Variants in DIABLO observed in about 807,000 individuals in gnomAD.
DIABLO encodes the protein diablo IAP-binding mitochondrial protein.
DIABLO carries 32 observed loss-of-function variants against 31.7 expected under a neutral mutation model. The ratio of observed to expected loss-of-function variants is 1.01; its 90% CI spans 0.76 to 1.35. The LOEUF is 1.35. Ranked by LOEUF, DIABLO falls within the 40% of genes most tolerant of loss-of-function variation. The pLI is 0.00. For missense variants in DIABLO, 316 were observed against 286.4 expected (o/e 1.10, Z -0.75); for synonymous variants, 132 against 103.2 (o/e 1.28, Z -1.69).
chr12:122,208,352 T>G lies in DIABLO; in HGVS notation c.*29A>C. ...ATCTGCCCCTGCTTTCCCCACTGAG[T>G]GGGGAGACAGGGCAGTGTGCTCAGG... On this transcript the variant is annotated 3_prime_UTR_variant, in exon 6 of 6. Coordinates refer to ENST00000464942, the MANE Select transcript of DIABLO (RefSeq NM_001371333.1). 2 of 1,609,762 alleles carry G rather than the reference T, an allele frequency of 1.2e-6. No individual in the cohort carries two copies. Among genetic ancestry groups the G allele is most frequent in the South Asian group, 1.1e-5 (1 of 90,968 alleles).
At chr12:122,216,988 C>T (rs1223923857) in intron 3 of DIABLO, 119 bp from the exon 4 acceptor site, 14 of 792,198 alleles carry the variant, frequency 1.8e-5, no homozygotes, top group Non-Finnish European at 3.0e-5. Flanking sequence ...TTCCATCCTG[C>T]TGCCTCAATG....
At chr12:122,224,903 G>T in intron 1 of DIABLO, 1 of 1,293,778 alleles carries the variant, frequency 7.7e-7, no homozygotes, top group Non-Finnish European at 1.0e-6. Context: ...GAGCCCAGGA[G>T]TTCACGACCA....
upstream of DIABLO, chr12:122,226,654 C>T (rs998534486): frequency 2.4e-5 from 15 of 636,436 alleles, no homozygotes; most frequent in Non-Finnish European, 3.1e-5. Context: ...GGTCCTGGCC[C>T]TCGAAACAGC....
intron 5 of DIABLO, 196 bp from the exon 6 acceptor site, chr12:122,208,773 A>G: frequency 1.4e-6 from 1 of 691,900 alleles, no homozygotes; most frequent in African/African-American, 1.7e-5. Flanking sequence ...ACTCTGTCAA[A>G]AACAGCATTT....
At chr12:122,215,881 A>C (rs1954198996) in intron 5 of DIABLO, among the ~76,000 whole-genome samples, 1 of 92,892 alleles carries the variant, frequency 1.1e-5, no homozygotes, top group African/African-American at 5.0e-5. Flanking sequence ...TATTTTATGA[A>C]GGAAAAAAAA....
chr12:122,225,913 C>A, intron 1 of DIABLO, 52 bp downstream of exon 1: 1 of 1,553,636 alleles, frequency 6.4e-7, no homozygotes, highest in African/African-American at 1.4e-5. Context: ...CAGCGCTGTC[C>A]GCGTCGGTCC....
In DIABLO at chr12:122,208,392, GC is replaced by G. The variant is rs1953984388; in HGVS notation, c.708del (p.Arg237ValfsTer30). 7 of 1,612,252 alleles carry G rather than the reference GC, an allele frequency of 4.3e-6. No individual in the cohort carries two copies. The highest frequency in any genetic ancestry group is 5.9e-6 in the Non-Finnish European group (7 of 1,180,020). On this transcript the variant is annotated frameshift_variant, in exon 6 of 6. Coordinates refer to ENST00000464942, the MANE Select transcript of DIABLO (RefSeq NM_001371333.1). LOFTEE classifies it high-confidence loss of function. ...GTGTGCTCAGGCCCTCAATCCTCACGCAGGTAGGCCTCCTGCTCCGACTCAG... is the reference window on the plus strand; with the variant it reads ...GTGTGCTCAGGCCCTCAATCCTCACGAGGTAGGCCTCCTGCTCCGACTCAG... ...ERAESEQEAY[L>X]RED is the part of the protein sequence containing the mutation.
chr12:122,210,552 T>A (rs960150615), intron 5 of DIABLO, among the ~76,000 whole-genome samples: 7 of 151,690 alleles, frequency 4.6e-5, no homozygotes, highest in Admixed American at 1.3e-4. Flanking sequence ...TATTTATTTT[T>A]TTTATTTTAG....
chr12:122,227,301 C>G, upstream of DIABLO: 1 of 440,900 alleles, frequency 2.3e-6, no homozygotes, highest in Non-Finnish European at 4.6e-6. Context: ...CTGCTTTGCC[C>G]AGCCACTCCC....
intron 1 of DIABLO, chr12:122,225,471 G>A: frequency 1.6e-5 from 16 of 1,018,882 alleles, no homozygotes; most frequent in Non-Finnish European, 1.9e-5. Context: ...GCAGAATTTA[G>A]CTCTGGACCC....
At position 122,225,886 on chromosome 12, in the gene DIABLO, C is replaced by A. The variant is rs752050118; in HGVS notation, c.50+79G>T. Reference sequence around the variant, plus strand: ...GAGATGAGCGCGTAAGGAAGGCGGGCGCCGTGGGCCGGGCCACAGCGCTGT... The same window carrying A: ...GAGATGAGCGCGTAAGGAAGGCGGGAGCCGTGGGCCGGGCCACAGCGCTGT... On this transcript the variant is annotated intron_variant, in intron 1 of 5. Coordinates refer to ENST00000464942, the MANE Select transcript of DIABLO (RefSeq NM_001371333.1). The A allele has an allele frequency of 2.5e-5, 38 of 1,544,182 alleles. No homozygotes were observed. The East Asian group carries it at 9.3e-4, about 38-fold the overall frequency.
chr12:122,226,156 G>C (rs1338651101), upstream of DIABLO: 10 of 1,247,884 alleles, frequency 8.0e-6, no homozygotes, highest in African/African-American at 8.9e-5. Context: ...TGGGCAGGCA[G>C]GGGGAAAGGG....
chr12:122,212,612 C>G (rs964703763), intron 5 of DIABLO, among the ~76,000 whole-genome samples: 2 of 147,924 alleles, frequency 1.4e-5, no homozygotes, highest in African/African-American at 5.1e-5. Context: ...CTTTATTGTT[C>G]GCTTATTTAT....
upstream of DIABLO, chr12:122,226,569 C>T (rs1283953567): frequency 2.9e-6 from 2 of 697,664 alleles, no homozygotes; most frequent in Non-Finnish European, 5.2e-6. Flanking sequence ...CGGCATCGCG[C>T]TGCGCGGGAG....
chr12:122,221,151 A>G (rs1400112701), intron 2 of DIABLO: 1 of 152,176 alleles, frequency 6.6e-6, no homozygotes, highest in Non-Finnish European at 1.5e-5. Context: ...AAAATATACA[A>G]TATTAAGTGG....
In DIABLO at chr12:122,218,360, A is replaced by C. The variant is rs1336564734; in HGVS notation, c.221T>G (p.Met74Arg). The C allele has an allele frequency of 6.2e-7, 1 of 1,614,180 alleles. No individual in the cohort carries two copies. Among genetic ancestry groups the C allele is most frequent in the East Asian group, 2.2e-5 (1 of 44,872 alleles). ...TGTTACCAAAGACACTGCTCTCCTC[A>C]TCAATGCTTCACTACTAAGGGAATG... ...EPHSLSSEAL[M>R]RRAVSLVTDS... Residue 74 changes from methionine to arginine, a missense_variant, in exon 3 of 6, where the codon ATG becomes AGG. Coordinates refer to ENST00000464942, the MANE Select transcript of DIABLO (RefSeq NM_001371333.1).
intron 2 of DIABLO, chr12:122,218,651 A>T: frequency 2.2e-6 from 1 of 465,008 alleles, no homozygotes; most frequent in Non-Finnish European, 3.9e-6. Context: ...TACATATAAA[A>T]TAAATTGTGG....
rs548725694 is a variant in DIABLO at position 122,207,978 on chromosome 12, C to T, written c.*403G>A. 2.3e-4 allele frequency: 110 copies of T among 469,978 alleles called. No homozygotes were observed. Among genetic ancestry groups the T allele is most frequent in the Non-Finnish European group, 4.4e-4 (105 of 237,986 alleles). 29.1% of individuals were successfully genotyped at this position (469,978 alleles called of 1,614,324 possible). Reference sequence around the variant, plus strand: ...CCTCCCCCTGCCACAACTGGCATCCCAACAGAGGGAACAAGTACTAAATCA... The same window carrying T: ...CCTCCCCCTGCCACAACTGGCATCCTAACAGAGGGAACAAGTACTAAATCA... On this transcript the variant is annotated 3_prime_UTR_variant, in exon 6 of 6. Transcript: ENST00000464942.
chr12:122,218,563 A>T, intron 2 of DIABLO, 166 bp from the exon 3 acceptor site: 1 of 774,666 alleles, frequency 1.3e-6, no homozygotes, highest in East Asian at 2.7e-5. Flanking sequence ...TGGCAATTTA[A>T]GACAATATAG....
Sources: gnomAD v4.1 joint callset for allele counts (sites outside exome capture counted in the v4.1 genomes callset) on GRCh38, gnomAD v4.1.1 for gene constraint, MANE v1.5 for transcripts, NCBI Gene and HGNC (gene_info 2026-07-23, HGNC 2026-07-21) for gene names.